The following MVD variants were observed in gnomAD, a reference collection of about 807,000 sequenced individuals.
The protein encoded by MVD is diphosphomevalonate decarboxylase.
MVD carries 52 observed loss-of-function variants against 42.4 expected under a neutral mutation model. The ratio of observed to expected loss-of-function variants is 1.23; its 90% CI spans 0.98 to 1.55. The LOEUF is 1.55. Among genes scored for constraint, MVD ranks in the 40% most tolerant of loss-of-function variants. The pLI is 0.00. For synonymous variants in MVD, 287 were observed against 243.2 expected (o/e 1.18, Z -1.68); for missense variants, 663 against 572.1 (o/e 1.16, Z -1.62).
chr16:88,657,775 G>A (rs1908026793), intron 3 of MVD, 140 bp downstream of exon 3: 1 of 1,239,998 alleles, frequency 8.1e-7, no homozygotes, highest in East Asian at 2.5e-5. Context: ...CTGCCCTGGA[G>A]CTGGCGGCCC....
In MVD at chr16:88,652,482, G is replaced by C; in HGVS notation, c.*43C>G. On this transcript the variant is annotated 3_prime_UTR_variant, in exon 10 of 10. Coordinates refer to ENST00000301012, the MANE Select transcript of MVD (RefSeq NM_002461.3). The stretch of plus-strand genomic sequence containing the variant: ...CACATCCGCTCCCTAGCTCCGGCGA[G>C]GCCACCCCTTCTCCAAGCGGCATGC... 2.6e-6 allele frequency: 4 copies of C among 1,546,908 alleles called. No homozygotes were observed. In the South Asian group the frequency reaches 4.8e-5, roughly 18 times the overall value.
At position 88,652,497 on chromosome 16, in the gene MVD, A is replaced by C; in HGVS notation, c.*28T>G. ...GCTCCGGCGAGGCCACCCCTTCTCCAAGCGGCATGCGGTCCCTGCTGAGGC... is the reference window on the plus strand; with the variant it reads ...GCTCCGGCGAGGCCACCCCTTCTCCCAGCGGCATGCGGTCCCTGCTGAGGC... On this transcript the variant is annotated 3_prime_UTR_variant, in exon 10 of 10. Coordinates refer to ENST00000301012, the MANE Select transcript of MVD (RefSeq NM_002461.3). 2 of 1,553,978 alleles carry C rather than the reference A, an allele frequency of 1.3e-6. No individual in the cohort carries two copies. The highest frequency in any genetic ancestry group is 1.7e-6 in the Non-Finnish European group (2 of 1,148,698).
chr16:88,662,654 G>A, intron 1 of MVD: 1 of 1,263,492 alleles, frequency 7.9e-7, no homozygotes, highest in Non-Finnish European at 1.0e-6. Context: ...CCATCCTCCC[G>A]CCTCAGCCTC....
At chr16:88,657,133 G>A (rs1238922484) in intron 4 of MVD, 1 of 557,572 alleles carries the variant, frequency 1.8e-6, no homozygotes, top group Non-Finnish European at 3.3e-6. Context: ...GTAGAGATGG[G>A]GGGGGGTCTC....
chr16:88,661,843 TA>T (rs56160391), intron 1 of MVD, among the ~76,000 whole-genome samples: 4 of 143,348 alleles, frequency 2.8e-5, no homozygotes, highest in Middle Eastern at 3.6e-3. Flanking sequence ...ACAGTTTCTT[TA>T]AAAAAAAAAA....
At chr16:88,658,335 C>T (rs956714670) in intron 2 of MVD, among the ~76,000 whole-genome samples, 1 of 152,202 alleles carries the variant, frequency 6.6e-6, no homozygotes, top group Non-Finnish European at 1.5e-5. Context: ...GTGCTGTGCT[C>T]AGCTCTCCTA....
intron 4 of MVD, chr16:88,657,133 G>C (rs1238922484): frequency 3.6e-6 from 2 of 557,572 alleles, no homozygotes; most frequent in South Asian, 1.6e-5. Flanking sequence ...GTAGAGATGG[G>C]GGGGGGTCTC....
intron 2 of MVD, among the ~76,000 whole-genome samples, chr16:88,658,258 C>T (rs541832090): frequency 2.6e-5 from 4 of 152,228 alleles, no homozygotes; most frequent in East Asian, 3.9e-4. Flanking sequence ...AATAAAGAGA[C>T]GGGGACTCCC....
At chr16:88,655,547 G>A in intron 6 of MVD, 109 bp downstream of exon 6, 1 of 1,513,004 alleles carries the variant, frequency 6.6e-7, no homozygotes, top group South Asian at 1.2e-5. Context: ...CGTGGTCTTG[G>A]CGGGGCTGCC....
intron 1 of MVD, among the ~76,000 whole-genome samples, chr16:88,660,232 C>T (rs1427092170): frequency 1.3e-5 from 2 of 152,132 alleles, no homozygotes; most frequent in Non-Finnish European, 2.9e-5. Context: ...ACTTCTGCCT[C>T]CTTATCTTGA....
chr16:88,657,446 ATAG>A lies in MVD; in HGVS notation c.390_392del (p.Tyr131del). The A allele has an allele frequency of 6.2e-7, 1 of 1,606,228 alleles. No individual in the cohort carries two copies. The highest frequency in any genetic ancestry group is 8.5e-7 in the Non-Finnish European group (1 of 1,177,148). On this transcript the variant is annotated inframe_deletion, in exon 4 of 10. Coordinates refer to ENST00000301012, the MANE Select transcript of MVD (RefSeq NM_002461.3). ...TCTGTGGGCACCCACCTAGGCAGGC[ATAG>A]CCCGCCGCTGAGGAGGCCAGGCCCG...
rs1049226252 is a variant in MVD at position 88,653,897 on chromosome 16, C to A, written c.1014-489G>T. On this transcript the variant is annotated intron_variant, in intron 8 of 9. Coordinates refer to ENST00000301012, the MANE Select transcript of MVD (RefSeq NM_002461.3). ...GCAGTCCTGGGGTGTGGGTCTGAGT[C>A]CACCCCACAGGGCAGGCCCCTGACC... is the stretch of plus-strand genomic sequence containing the variant. Among the ~76,000 whole-genome samples, 19 of 152,200 alleles carry A rather than the reference C, an allele frequency of 1.2e-4. 1 individual carries two copies. Among genetic ancestry groups the A allele is most frequent in the Non-Finnish European group, 5.9e-5 (4 of 67,994 alleles).
In MVD at chr16:88,662,907, C is replaced by G. The variant is rs1214905451; in HGVS notation, c.70+104G>C. 4.0e-5 allele frequency: 61 copies of G among 1,524,122 alleles called. 1 individual carries two copies. The South Asian group carries it at 6.3e-4, about 16-fold the overall frequency. 94.4% of individuals were successfully genotyped at this position (1,524,122 alleles called of 1,614,324 possible). On this transcript the variant is annotated intron_variant, in intron 1 of 9. Transcript: ENST00000301012. ...CCTCAGTTTCCCCGTCTGTCGAGGC[C>G]CTGGGAGGGCAGGACGGAGCGCGCC... is the stretch of plus-strand genomic sequence containing the variant.
At chr16:88,653,998 C>G (rs978008853) in intron 8 of MVD, among the ~76,000 whole-genome samples, 1 of 152,008 alleles carries the variant, frequency 6.6e-6, no homozygotes, top group Non-Finnish European at 1.5e-5. Flanking sequence ...AAATGGGAGG[C>G]GCCTCTCACA....
intron 4 of MVD, 27 bp downstream of exon 4, chr16:88,657,409 C>A: frequency 6.4e-7 from 1 of 1,570,574 alleles, no homozygotes; most frequent in Non-Finnish European, 8.6e-7. Context: ...CAGCCCAGAA[C>A]CCCTGCGGGT....
At chr16:88,662,792 G>T in intron 1 of MVD, 2 of 1,475,280 alleles carry the variant, frequency 1.4e-6, no homozygotes, top group African/African-American at 1.5e-5. Flanking sequence ...CTGCAGGGGC[G>T]GCAGCCGTCG....
At chr16:88,656,728 G>A (rs1232500453) in intron 4 of MVD, 1 of 251,498 alleles carries the variant, frequency 4.0e-6, no homozygotes, top group East Asian at 1.0e-4. Flanking sequence ...CAGCACGGGA[G>A]CCACCTTCTC....
At chr16:88,652,916 G>A (rs1907665841) in intron 9 of MVD, among the ~76,000 whole-genome samples, 1 of 152,184 alleles carries the variant, frequency 6.6e-6, no homozygotes, top group African/African-American at 2.4e-5. Context: ...GTGATCACTG[G>A]ATGCAAGCTT....
chr16:88,655,503 G>T, intron 6 of MVD, 86 bp from the exon 7 acceptor site: 1 of 1,514,254 alleles, frequency 6.6e-7, no homozygotes, highest in Non-Finnish European at 8.9e-7. Flanking sequence ...TTGGAGGCCC[G>T]GCTCGAGCCC....
Sources: allele counts gnomAD v4.1 joint callset (sites outside exome capture counted in the v4.1 genomes callset), GRCh38; gene constraint gnomAD v4.1.1; transcripts MANE v1.5; gene names NCBI Gene and HGNC (gene_info 2026-07-23, HGNC 2026-07-21).